PELI1: variants seen among roughly 807,000 people sequenced by gnomAD.
PELI1 encodes pellino E3 ubiquitin protein ligase 1, also known as E3 ubiquitin-protein ligase pellino homolog 1.
PELI1 carries 15 observed loss-of-function variants against 41.3 expected under a neutral mutation model. The ratio of observed to expected loss-of-function variants is 0.36; its 90% CI spans 0.24 to 0.56. PELI1 has a LOEUF of 0.56. Ranked by LOEUF, PELI1 falls within the 20% of genes least tolerant of loss-of-function variation. The pLI is 0.82. For missense variants in PELI1, 403 were observed against 525.5 expected, an observed-to-expected ratio of 0.77 and a Z score of 2.28; for synonymous variants, 178 against 180.1, an observed-to-expected ratio of 0.99 and a Z score of 0.09.
chr2:64,140,468 T>A (rs1681865662), intron 1 of PELI1, among the ~76,000 whole-genome samples: 1 of 152,134 alleles, frequency 6.6e-6, no homozygotes, highest in South Asian at 2.1e-4. Context: ...AAATTGTCAA[T>A]TCTTCTTAAG....
rs3731962 is a variant in PELI1 at position 64,094,689 on chromosome 2, A to G, written c.*13T>C. On this transcript the variant is annotated 3_prime_UTR_variant, in exon 7 of 7. Coordinates refer to ENST00000358912, the MANE Select transcript of PELI1 (RefSeq NM_020651.4). ...TATAAATTTATAATGTAGTCCTGCA[A>G]GACAATGGTCTGTTAGTCTAGAGGT... The G allele has an allele frequency of 0.047, 75,308 of 1,596,038 alleles. 2,470 individuals carry two copies. The highest frequency in any genetic ancestry group is 0.17 in the African/African-American group (12,987 of 74,492).
At chr2:64,103,599 C>T (rs1680481240) in intron 3 of PELI1, among the ~76,000 whole-genome samples, 1 of 152,190 alleles carries the variant, frequency 6.6e-6, no homozygotes, top group African/African-American at 2.4e-5. Flanking sequence ...AAGAAACTGT[C>T]CCTTTTCTGC....
At chr2:64,117,856 C>CTGGAG (rs1681052762) in intron 1 of PELI1, among the ~76,000 whole-genome samples, 1 of 151,884 alleles carries the variant, frequency 6.6e-6, no homozygotes, top group African/African-American at 2.4e-5. Flanking sequence ...GTTGCCCAGG[C>CTGGAG]TGGAGTGGAG....
rs1200342006 is a variant in PELI1 at position 64,144,334 on chromosome 2, G to A, written c.-323C>T. The A allele has an allele frequency of 6.6e-6, 1 of 152,522 alleles. No individual in the cohort carries two copies. The highest frequency in any genetic ancestry group is 2.4e-5 in the African/African-American group (1 of 41,554). 9.4% of individuals were successfully genotyped at this position (152,522 alleles called of 1,614,324 possible). On this transcript the variant is annotated 5_prime_UTR_variant, in exon 1 of 7. Coordinates refer to ENST00000358912, the MANE Select transcript of PELI1 (RefSeq NM_020651.4). The stretch of plus-strand genomic sequence containing the variant: ...TGGGGACCAATTCGACCGCACCGCG[G>A]GACTAGGGCTGCTGCCGCTGCTGCT...
Position 64,092,868 on chromosome 2 carries a change from A to T in PELI1, c.*1834T>A, listed in dbSNP as rs1680101118. ...GAGACGAATTCAATTATGTATTTTG[A>T]AAAGTATTTACTTAGTTTAAATAAA... On this transcript the variant is annotated 3_prime_UTR_variant, in exon 7 of 7. Transcript: ENST00000358912. The T allele has an allele frequency of 6.6e-6, 1 of 152,264 alleles. No individual in the cohort carries two copies. The highest frequency in any genetic ancestry group is 1.9e-4 in the East Asian group (1 of 5,206). The allele number at this position is 152,264 out of a possible 1,614,324, so 9.4% of individuals were successfully genotyped here.
chr2:64,122,483 A>T (rs917024021), intron 1 of PELI1, among the ~76,000 whole-genome samples: 1 of 151,872 alleles, frequency 6.6e-6, no homozygotes, highest in African/African-American at 2.4e-5. Context: ...CCTTGGACAC[A>T]CTGACCTCTG....
At position 64,129,528 on chromosome 2, in the gene PELI1, CTCT is replaced by C. The variant is rs369321844; in HGVS notation, c.-70+14550_-70+14552del. 2.7e-4 allele frequency among the ~76,000 whole-genome samples: 41 copies of C among 152,174 alleles called. No homozygotes were observed. The East Asian group carries it at 3.9e-3, about 14-fold the overall frequency. On this transcript the variant is annotated intron_variant, in intron 1 of 6. Transcript: ENST00000358912. ...TATTCAAACAAGTTTTGTCTAATTC[CTCT>C]TCTTAATACCTTTTCAAAAAGAGGA...
At chr2:64,140,954 T>C (rs1268320444) in intron 1 of PELI1, among the ~76,000 whole-genome samples, 5 of 151,970 alleles carry the variant, frequency 3.3e-5, no homozygotes, top group Non-Finnish European at 5.9e-5. Context: ...TAATAAGCAC[T>C]TCCCCTCCCC....
At chr2:64,107,566 T>TA (rs1248439885) in intron 2 of PELI1, among the ~76,000 whole-genome samples, 1 of 152,112 alleles carries the variant, frequency 6.6e-6, no homozygotes, top group Non-Finnish European at 1.5e-5. Flanking sequence ...TGAAATGACT[T>TA]AAAGCAGGGA....
chr2:64,101,896 C>T (rs1052731835), intron 3 of PELI1, among the ~76,000 whole-genome samples: 1 of 145,346 alleles, frequency 6.9e-6, no homozygotes, highest in African/African-American at 2.6e-5. Context: ...GGTGCTATCT[C>T]GGCTCACTGT....
intron 1 of PELI1, among the ~76,000 whole-genome samples, chr2:64,109,537 G>A (rs13412068): frequency 0.081 from 12,383 of 152,036 alleles, 708 homozygotes; most frequent in African/African-American, 0.17. Context: ...AAAATTAGCC[G>A]GGCGTGGTGG....
intron 3 of PELI1, among the ~76,000 whole-genome samples, chr2:64,103,633 C>A (rs1352196642): frequency 6.6e-6 from 1 of 152,186 alleles, no homozygotes; most frequent in Admixed American, 6.5e-5. Context: ...CAAATAGTAA[C>A]AGAGGAGTCC....
chr2:64,097,284 T>C (rs897891827), intron 4 of PELI1, among the ~76,000 whole-genome samples: 4 of 152,268 alleles, frequency 2.6e-5, no homozygotes, highest in African/African-American at 4.8e-5. Context: ...TACTCTGTTA[T>C]GGGTTGAGAA....
At chr2:64,143,379 G>A (rs1020252125) in intron 1 of PELI1, 2 of 152,136 alleles carry the variant, frequency 1.3e-5, no homozygotes, top group African/African-American at 4.8e-5. Flanking sequence ...ACTTTTCCAC[G>A]GGGCTTTGGA....
chr2:64,141,089 G>T (rs564233970), intron 1 of PELI1, among the ~76,000 whole-genome samples: 1 of 152,258 alleles, frequency 6.6e-6, no homozygotes, highest in South Asian at 2.1e-4. Flanking sequence ...TCTATAAACA[G>T]AAAGTGCTAA....
chr2:64,135,402 G>A (rs763889866), intron 1 of PELI1, among the ~76,000 whole-genome samples: 2 of 152,118 alleles, frequency 1.3e-5, no homozygotes, highest in Non-Finnish European at 2.9e-5. Flanking sequence ...GGCAAGGAAA[G>A]TTTAAAAAGA....
At chr2:64,119,755 C>T (rs1309389383) in intron 1 of PELI1, among the ~76,000 whole-genome samples, 2 of 152,060 alleles carry the variant, frequency 1.3e-5, no homozygotes, top group Non-Finnish European at 2.9e-5. Context: ...TATGATATTC[C>T]ATTTCTTAAA....
intron 1 of PELI1, among the ~76,000 whole-genome samples, chr2:64,119,939 A>G (rs141822914): frequency 2.1e-3 from 322 of 152,338 alleles, no homozygotes; most frequent in African/African-American, 7.3e-3. Context: ...ATGTAAAGAA[A>G]GAAGCCCCTT....
intron 4 of PELI1, among the ~76,000 whole-genome samples, chr2:64,099,921 T>C (rs1041678990): frequency 1.3e-5 from 2 of 152,234 alleles, no homozygotes; most frequent in Non-Finnish European, 2.9e-5. Context: ...TGATTTCACA[T>C]AGATAATACA....
Sources: gnomAD v4.1 joint callset for allele counts (sites outside exome capture counted in the v4.1 genomes callset) on GRCh38, gnomAD v4.1.1 for gene constraint, MANE v1.5 for transcripts, NCBI Gene and HGNC (gene_info 2026-07-23, HGNC 2026-07-21) for gene names.